SIK2: variants seen among roughly 807,000 people sequenced by gnomAD.
The protein encoded by SIK2 is serine/threonine-protein kinase SIK2.
In SIK2, 29 loss-of-function variants were observed where a neutral mutation model predicts 103.2. The observed-to-expected ratio is 0.28, with a 90% CI of 0.21 to 0.38. The LOEUF (loss-of-function observed/expected upper bound fraction) is 0.38, where lower values mean the gene tolerates loss of function less well. Ranked by LOEUF, SIK2 falls within the 10% of genes least tolerant of loss-of-function variation. The probability of loss-of-function intolerance (pLI) is 1.00; values close to 1 mark genes in which losing one functional copy is unlikely to be tolerated. For missense variants in SIK2, 879 were observed against 1,171.0 expected, an observed-to-expected ratio of 0.75 and a Z score of 3.64; for synonymous variants, 412 against 446.1, an observed-to-expected ratio of 0.92 and a Z score of 0.96.
Position 111,642,940 on chromosome 11 carries a change from C to G in SIK2, c.316+22538C>G, listed in dbSNP as rs139538438. 1.6e-3 allele frequency among the ~76,000 whole-genome samples: 243 copies of G among 147,534 alleles called. 2 individuals are homozygous for G. Among genetic ancestry groups the G allele is most frequent in the African/African-American group, 5.9e-3 (225 of 38,324 alleles). On this transcript the variant is annotated intron_variant, in intron 3 of 14. Transcript: ENST00000304987. ...AATATATATTCTTATTGTTGCAACTCTATAATTCCCTCACCCTTATTTTCA... is the reference window on the plus strand; with the variant it reads ...AATATATATTCTTATTGTTGCAACTGTATAATTCCCTCACCCTTATTTTCA...
At chr11:111,716,202 A>T (rs1215341040) in intron 9 of SIK2, among the ~76,000 whole-genome samples, 1 of 152,226 alleles carries the variant, frequency 6.6e-6, no homozygotes, top group African/African-American at 2.4e-5. Context: ...GACCCTGAAA[A>T]TGCAGACACA....
intron 4 of SIK2, among the ~76,000 whole-genome samples, chr11:111,689,345 A>G (rs976635099): frequency 6.6e-5 from 10 of 152,214 alleles, no homozygotes; most frequent in African/African-American, 2.4e-4. Context: ...TTTGCATGTC[A>G]GAAATATGTC....
intron 3 of SIK2, among the ~76,000 whole-genome samples, chr11:111,633,091 T>C (rs1942059833): frequency 6.6e-6 from 1 of 152,170 alleles, no homozygotes; most frequent in Admixed American, 6.6e-5. Context: ...ATAGAACATG[T>C]AAATCTCTGA....
chr11:111,650,103 T>C (rs1393935219), intron 3 of SIK2, among the ~76,000 whole-genome samples: 1 of 119,780 alleles, frequency 8.3e-6, no homozygotes, highest in Non-Finnish European at 1.9e-5. Context: ...CCATAAAACA[T>C]TGGATTAGTA....
intron 3 of SIK2, among the ~76,000 whole-genome samples, chr11:111,674,650 A>G (rs1942678417): frequency 6.6e-6 from 1 of 152,260 alleles, no homozygotes; most frequent in South Asian, 2.1e-4. Context: ...TGTAGTGAAA[A>G]TGTTCAAAAG....
intron 3 of SIK2, among the ~76,000 whole-genome samples, chr11:111,654,204 G>A (rs993017255): frequency 7.2e-5 from 11 of 152,156 alleles, no homozygotes; most frequent in Non-Finnish European, 1.5e-4. Context: ...AGGGGAGGAA[G>A]AACTCTTAAA....
At chr11:111,704,376 C>A (rs1248060074) in intron 7 of SIK2, among the ~76,000 whole-genome samples, 1 of 152,172 alleles carries the variant, frequency 6.6e-6, no homozygotes, top group African/African-American at 2.4e-5. Context: ...GGAAAGCTGG[C>A]AGGCTAGAGA....
At chr11:111,693,704 G>A (rs1390048263) in intron 4 of SIK2, among the ~76,000 whole-genome samples, 1 of 152,190 alleles carries the variant, frequency 6.6e-6, no homozygotes, top group Non-Finnish European at 1.5e-5. Flanking sequence ...CAGTGCTGGT[G>A]CAAATTCTGT....
intron 3 of SIK2, among the ~76,000 whole-genome samples, chr11:111,670,682 A>G (rs1471323078): frequency 3.9e-5 from 6 of 152,254 alleles, no homozygotes; most frequent in Non-Finnish European, 8.8e-5. Flanking sequence ...TATACAATCA[A>G]AATTATAAAA....
chr11:111,638,003 T>G (rs1449190120), intron 3 of SIK2, among the ~76,000 whole-genome samples: 2 of 152,202 alleles, frequency 1.3e-5, no homozygotes, highest in Non-Finnish European at 2.9e-5. Context: ...ACCAAGAAGC[T>G]AATTGGAAAC....
At chr11:111,669,633 C>T (rs951116879) in intron 3 of SIK2, among the ~76,000 whole-genome samples, 1 of 149,686 alleles carries the variant, frequency 6.7e-6, no homozygotes, top group Non-Finnish European at 1.5e-5. Context: ...TTTTCCCACA[C>T]CAAAAAAATA....
chr11:111,650,166 A>G (rs1942309815), intron 3 of SIK2, among the ~76,000 whole-genome samples: 1 of 151,996 alleles, frequency 6.6e-6, no homozygotes, highest in South Asian at 2.1e-4. Context: ...CTTAATTTAG[A>G]TACATTTTAA....
At chr11:111,684,593 G>A (rs942719427) in intron 3 of SIK2, among the ~76,000 whole-genome samples, 1 of 152,118 alleles carries the variant, frequency 6.6e-6, no homozygotes, top group Non-Finnish European at 1.5e-5. Flanking sequence ...AAGCATATTG[G>A]CATTCCCCTC....
chr11:111,668,523 G>A (rs1202075236), intron 3 of SIK2, among the ~76,000 whole-genome samples: 1 of 152,144 alleles, frequency 6.6e-6, no homozygotes, highest in Non-Finnish European at 1.5e-5. Flanking sequence ...TCTGAGCTAT[G>A]ACCAGTCACA....
At chr11:111,652,889 G>A (rs1326775747) in intron 3 of SIK2, among the ~76,000 whole-genome samples, 2 of 152,050 alleles carry the variant, frequency 1.3e-5, no homozygotes, top group Non-Finnish European at 2.9e-5. Flanking sequence ...GGTGAGTCTT[G>A]GTTTTAAAAA....
At chr11:111,720,137 C>A in intron 10 of SIK2, 134 bp downstream of exon 10, 1 of 879,364 alleles carries the variant, frequency 1.1e-6, no homozygotes, top group Non-Finnish European at 1.8e-6. Context: ...TTAGATTCAG[C>A]AGGTATAGCA....
intron 4 of SIK2, among the ~76,000 whole-genome samples, chr11:111,697,653 G>T (rs1225110622): frequency 6.6e-6 from 1 of 152,078 alleles, no homozygotes; most frequent in Non-Finnish European, 1.5e-5. Flanking sequence ...TCCCCAATCT[G>T]CCTAACACCA....
chr11:111,691,032 A>G (rs1446546536), intron 4 of SIK2, among the ~76,000 whole-genome samples: 1 of 152,210 alleles, frequency 6.6e-6, no homozygotes, highest in Non-Finnish European at 1.5e-5. Context: ...AGAAAATGTC[A>G]AAGTAAGACA....
At chr11:111,714,953 G>A (rs1943599186) in intron 9 of SIK2, among the ~76,000 whole-genome samples, 1 of 152,160 alleles carries the variant, frequency 6.6e-6, no homozygotes, top group East Asian at 1.9e-4. Flanking sequence ...AAATGCAGTT[G>A]ACTAAAGGCT....
Sources: gnomAD v4.1 joint callset for allele counts (sites outside exome capture counted in the v4.1 genomes callset) on GRCh38, gnomAD v4.1.1 for gene constraint, MANE v1.5 for transcripts, NCBI Gene and HGNC (gene_info 2026-07-23, HGNC 2026-07-21) for gene names.